Variants in TRAF3IP1 observed in about 807,000 individuals in gnomAD.
TRAF3IP1 encodes intraflagellar transport 54.
Under a neutral mutation model 89.9 loss-of-function variants are expected in TRAF3IP1, and 53 were observed. The observed-to-expected ratio is 0.59, with a 90% confidence interval of 0.47 to 0.74. The LOEUF (loss-of-function observed/expected upper bound fraction) is 0.74. Among genes scored for constraint, TRAF3IP1 ranks in the 30% least tolerant of loss-of-function variants. The pLI is 0.00. For synonymous variants in TRAF3IP1, 311 were observed against 322.1 expected, an observed-to-expected ratio of 0.97 and a Z score of 0.37; for missense variants, 806 against 866.1, an observed-to-expected ratio of 0.93 and a Z score of 0.87.
intron 15 of TRAF3IP1, among the ~76,000 whole-genome samples, chr2:238,364,596 C>T (rs941906524): frequency 6.6e-6 from 1 of 152,018 alleles, no homozygotes; most frequent in Non-Finnish European, 1.5e-5. Context: ...ATTTTTCAGT[C>T]TCCTTTTACA....
intron 11 of TRAF3IP1, among the ~76,000 whole-genome samples, chr2:238,349,102 G>A (rs1044554759): frequency 6.6e-5 from 10 of 152,256 alleles, no homozygotes; most frequent in African/African-American, 2.4e-4. Context: ...AGTGACAGTT[G>A]TTGGTATTTT....
At chr2:238,346,618 GGT>G (rs1440566811) in intron 9 of TRAF3IP1, among the ~76,000 whole-genome samples, 1 of 152,148 alleles carries the variant, frequency 6.6e-6, no homozygotes, top group African/African-American at 2.4e-5. Context: ...CACTCTGCTC[GGT>G]GTGGACCCTC....
In TRAF3IP1 at chr2:238,376,344, C is replaced by A. The variant is rs145354078; in HGVS notation, c.1689+20264C>A. Among the ~76,000 whole-genome samples, 152 of 152,268 alleles carry A rather than the reference C, an allele frequency of 1.0e-3. 2 individuals carry two copies. The highest frequency in any genetic ancestry group is 3.4e-3 in the African/African-American group (143 of 41,546). On this transcript the variant is annotated intron_variant, in intron 15 of 16. Transcript: ENST00000373327. ...TCCAGGTGGTGGGCCGGTCCACAGGCTGTAGTTTATACTGCTCCACTGGCC... is the reference window on the plus strand; with the variant it reads ...TCCAGGTGGTGGGCCGGTCCACAGGATGTAGTTTATACTGCTCCACTGGCC...
chr2:238,360,392 C>G (rs972062473), intron 15 of TRAF3IP1, among the ~76,000 whole-genome samples: 1 of 151,928 alleles, frequency 6.6e-6, no homozygotes, highest in African/African-American at 2.4e-5. Context: ...TCTGGGAGGC[C>G]GAAATGTGAG....
chr2:238,397,597 G>C lies in TRAF3IP1; in HGVS notation c.1828G>C (p.Asp610His), dbSNP rs1395247971. Residue 610 changes from aspartate (D) to histidine (H), a missense_variant, in exon 16 of 17, where the codon GAC becomes CAC. Asp to His is a moderately conservative substitution (Grantham distance 81). Around this residue, in one of 3 missense-constraint regions of TRAF3IP1, gnomAD observed 732 missense variants for 780.5 expected, o/e 0.94. Transcript: ENST00000373327. ...LGKIMDYIQE[D>H]VDAMQNELQM... is the part of the protein sequence containing the mutation. ...GAAGATCATGGACTACATCCAGGAAGACGTGGATGCCATGCAGAATGAGCT... is the reference window on the plus strand; with the variant it reads ...GAAGATCATGGACTACATCCAGGAACACGTGGATGCCATGCAGAATGAGCT... 1 of 1,612,958 alleles carries C rather than the reference G, an allele frequency of 6.2e-7. No homozygotes were observed.
chr2:238,325,958 C>A lies in TRAF3IP1; in HGVS notation c.342C>A (p.Cys114Ter). Residue 114 changes from cysteine to a stop codon, truncating the protein, a stop_gained, in exon 3 of 17, where the codon TGC becomes TGA. Coordinates refer to ENST00000373327, the MANE Select transcript of TRAF3IP1 (RefSeq NM_015650.4). LOFTEE classifies it high-confidence loss of function. ...AGCTGCTCCAGATAATTGGAAAATG[C>A]TGTCTCAACAAGGTACTACTGCTGT... ...TNELLQIIGK[C>*]CLNKLSSDDA... 1 of 1,612,642 alleles carries A rather than the reference C, an allele frequency of 6.2e-7. No homozygotes were observed. Among genetic ancestry groups the A allele is most frequent in the East Asian group, 2.2e-5 (1 of 44,870 alleles).
At chr2:238,365,124 T>A (rs541771022) in intron 15 of TRAF3IP1, among the ~76,000 whole-genome samples, 4 of 152,342 alleles carry the variant, frequency 2.6e-5, no homozygotes, top group Admixed American at 2.0e-4. Context: ...AGTCAGGGAT[T>A]TGAGTCTTAA....
intron 7 of TRAF3IP1, among the ~76,000 whole-genome samples, chr2:238,335,722 C>T (rs762130641): frequency 6.6e-6 from 1 of 150,606 alleles, no homozygotes; most frequent in Non-Finnish European, 1.5e-5. Flanking sequence ...TACTTGGTTG[C>T]GTATGTTGGT....
chr2:238,392,229 A>C (rs1701022961), intron 15 of TRAF3IP1, among the ~76,000 whole-genome samples: 1 of 152,150 alleles, frequency 6.6e-6, no homozygotes, highest in Non-Finnish European at 1.5e-5. Flanking sequence ...AAAAGAAATA[A>C]TAGAGATATA....
chr2:238,356,117 C>T lies in TRAF3IP1; in HGVS notation c.1689+37C>T, dbSNP rs778819931. ...ATTTCCATAAACACTGGCATTTTAG[C>T]AGTCTGTTTCATGCATTTACAGACT... is the stretch of plus-strand genomic sequence containing the variant. On this transcript the variant is annotated intron_variant, in intron 15 of 16. Transcript: ENST00000373327. 2.0e-5 allele frequency: 30 copies of T among 1,478,332 alleles called. No individual in the cohort carries two copies. The South Asian group carries it at 3.1e-4, about 15-fold the overall frequency. 91.6% of individuals were successfully genotyped at this position (1,478,332 alleles called of 1,614,324 possible).
intron 1 of TRAF3IP1, among the ~76,000 whole-genome samples, chr2:238,322,284 G>C (rs1697588973): frequency 6.6e-6 from 1 of 152,248 alleles, no homozygotes; most frequent in Admixed American, 6.5e-5. Flanking sequence ...AGCCCCAGGA[G>C]GGAGGTGCAG....
At chr2:238,385,120 A>G (rs1700713435) in intron 15 of TRAF3IP1, among the ~76,000 whole-genome samples, 2 of 151,640 alleles carry the variant, frequency 1.3e-5, no homozygotes, top group African/African-American at 4.9e-5. Context: ...GGTTCATGCC[A>G]TTCTCCTGCC....
chr2:238,378,266 T>A (rs1456111668), intron 15 of TRAF3IP1, among the ~76,000 whole-genome samples: 3 of 152,244 alleles, frequency 2.0e-5, no homozygotes, highest in African/African-American at 4.8e-5. Context: ...CTAGTTTTTA[T>A]TTAGCCTTTT....
At chr2:238,373,406 TTG>T (rs1469810621) in intron 15 of TRAF3IP1, among the ~76,000 whole-genome samples, 3 of 152,246 alleles carry the variant, frequency 2.0e-5, no homozygotes, top group African/African-American at 7.2e-5. Context: ...TCCCCATTTC[TTG>T]TTTTTGTCAG....
intron 15 of TRAF3IP1, among the ~76,000 whole-genome samples, chr2:238,370,569 C>T (rs1235255579): frequency 1.3e-5 from 2 of 152,160 alleles, no homozygotes; most frequent in African/African-American, 2.4e-5. Context: ...CTACCCCGGG[C>T]TCTCCCACCC....
intron 3 of TRAF3IP1, among the ~76,000 whole-genome samples, chr2:238,327,338 G>T (rs1265365220): frequency 6.6e-6 from 1 of 152,190 alleles, no homozygotes; most frequent in Non-Finnish European, 1.5e-5. Context: ...GCTTCCTATA[G>T]GCTGTTGTTT....
intron 15 of TRAF3IP1, among the ~76,000 whole-genome samples, chr2:238,372,308 G>A (rs1010224079): frequency 1.3e-5 from 2 of 152,020 alleles, no homozygotes; most frequent in Non-Finnish European, 2.9e-5. Flanking sequence ...AGGCCCCGGT[G>A]TGTGATGTTC....
chr2:238,333,528 G>C (rs913492906), intron 6 of TRAF3IP1, among the ~76,000 whole-genome samples: 2 of 152,218 alleles, frequency 1.3e-5, no homozygotes, highest in African/African-American at 2.4e-5. Context: ...GACTGGAACT[G>C]TGCCAGTGGA....
chr2:238,324,739 G>C (rs1423839492), intron 1 of TRAF3IP1, among the ~76,000 whole-genome samples: 1 of 152,022 alleles, frequency 6.6e-6, no homozygotes, highest in Non-Finnish European at 1.5e-5. Context: ...CAGTAGTTGG[G>C]ACTATAGGCG....
Sources: gnomAD v4.1 joint callset for allele counts (sites outside exome capture counted in the v4.1 genomes callset) on GRCh38, gnomAD v4.1.1 for gene constraint, gnomAD v4.1.1 regional missense constraint, MANE v1.5 for transcripts, NCBI Gene and HGNC (gene_info 2026-07-23, HGNC 2026-07-21) for gene names.